PCBP2: variants seen among roughly 807,000 people sequenced by gnomAD.
The protein encoded by PCBP2 is poly(rC)-binding protein 2.
A neutral mutation model predicts 50.1 loss-of-function variants in PCBP2; 4 were observed. The observed-to-expected ratio is 0.08, with a 90% CI of 0.04 to 0.18. The LOEUF (loss-of-function observed/expected upper bound fraction) is 0.18, where lower values mean the gene tolerates loss of function less well. Ranked by LOEUF, PCBP2 falls within the 10% of genes least tolerant of loss-of-function variation. The pLI, the probability that PCBP2 is intolerant of heterozygous loss-of-function variation, is 1.00. For synonymous variants in PCBP2, 179 were observed against 168.0 expected, an observed-to-expected ratio of 1.07 and a Z score of -0.51; for missense variants, 161 against 474.3, an observed-to-expected ratio of 0.34 and a Z score of 6.14.
chr12:53,477,674 A>AAAC, intron 14 of PCBP2, among the ~76,000 whole-genome samples: 1 of 135,224 alleles, frequency 7.4e-6, no homozygotes, highest in Non-Finnish European at 1.5e-5. Context: ...TCAAAAAAAA[A>AAAC]AAAAAAAAAA....
chr12:53,469,526 G>C (rs1240782266), intron 13 of PCBP2, among the ~76,000 whole-genome samples: 1 of 151,812 alleles, frequency 6.6e-6, no homozygotes, highest in East Asian at 2.0e-4. Flanking sequence ...TTCGAGACCA[G>C]CCTGACTACC....
At chr12:53,466,143 G>A (rs886132197) in intron 10 of PCBP2, among the ~76,000 whole-genome samples, 170 bp downstream of exon 10, 2 of 152,202 alleles carry the variant, frequency 1.3e-5, no homozygotes, top group Non-Finnish European at 2.9e-5. Flanking sequence ...TCAGGGTAAT[G>A]CCTTGTTTGC....
At chr12:53,456,809 C>T (rs906369312) in intron 5 of PCBP2, among the ~76,000 whole-genome samples, 1 of 152,088 alleles carries the variant, frequency 6.6e-6, no homozygotes, top group Non-Finnish European at 1.5e-5. Flanking sequence ...TGTATTCAGT[C>T]CCTCCCTCTC....
chr12:53,454,778 A>G lies in PCBP2; in HGVS notation c.-23A>G, dbSNP rs985328712. 2 of 1,611,048 alleles carry G rather than the reference A, an allele frequency of 1.2e-6. No homozygotes were observed. The highest frequency in any genetic ancestry group is 1.7e-6 in the Non-Finnish European group (2 of 1,177,226). ...CCAAAGACTTGACCACTCAAAGTCCAGCTCCCCAGAACACTGCTCGACATG... is the reference window on the plus strand; with the variant it reads ...CCAAAGACTTGACCACTCAAAGTCCGGCTCCCCAGAACACTGCTCGACATG... On this transcript the variant is annotated 5_prime_UTR_variant, in exon 2 of 15. Coordinates refer to ENST00000546463, the MANE Select transcript of PCBP2 (RefSeq NM_031989.5).
chr12:53,472,482 A>G (rs1355918574), intron 14 of PCBP2, among the ~76,000 whole-genome samples: 11 of 152,184 alleles, frequency 7.2e-5, no homozygotes, highest in Non-Finnish European at 1.5e-4. Context: ...TTCACAGTCA[A>G]ATGGGATCCT....
chr12:53,467,727 CT>C, intron 11 of PCBP2, 77 bp from the exon 12 acceptor site: 1 of 1,143,664 alleles, frequency 8.7e-7, no homozygotes, highest in Non-Finnish European at 1.3e-6. Flanking sequence ...GTTTTTGGGG[CT>C]TTTCTGTATA....
chr12:53,457,058 T>C (rs1195726535), intron 5 of PCBP2, among the ~76,000 whole-genome samples: 2 of 152,174 alleles, frequency 1.3e-5, no homozygotes, highest in Non-Finnish European at 2.9e-5. Context: ...TATTTAACTT[T>C]TTTTTTTCTT....
chr12:53,473,344 A>G (rs1316960754), intron 14 of PCBP2, among the ~76,000 whole-genome samples: 1 of 152,182 alleles, frequency 6.6e-6, no homozygotes, highest in East Asian at 1.9e-4. Flanking sequence ...CGGCCTCCCA[A>G]AGTGCTGGGA....
intron 9 of PCBP2, 60 bp from the exon 10 acceptor site, chr12:53,465,872 C>T (rs1941783745): frequency 1.5e-6 from 2 of 1,356,784 alleles, no homozygotes; most frequent in Non-Finnish European, 2.1e-6. Flanking sequence ...GTCTTTTTCC[C>T]CCCACTGGGT....
chr12:53,468,869 A>C (rs1216010155), intron 13 of PCBP2, 37 bp downstream of exon 13: 1 of 1,476,682 alleles, frequency 6.8e-7, no homozygotes. Context: ...GAAAATAAGA[A>C]AATAGACTGT....
At chr12:53,468,433 A>G (rs1941969693) in intron 12 of PCBP2, 1 of 303,234 alleles carries the variant, frequency 3.3e-6, no homozygotes, top group Non-Finnish European at 6.2e-6. Context: ...TTGGAACACA[A>G]CAGGAAAGGG....
chr12:53,477,827 A>AG (rs1171588971), intron 14 of PCBP2, among the ~76,000 whole-genome samples: 1 of 152,156 alleles, frequency 6.6e-6, no homozygotes, highest in African/African-American at 2.4e-5. Context: ...TTGTTGTGGA[A>AG]GGGATACAGA....
chr12:53,467,140 C>T (rs1029672785), intron 10 of PCBP2, 81 bp from the exon 11 acceptor site: 10 of 1,045,326 alleles, frequency 9.6e-6, no homozygotes, highest in South Asian at 8.4e-5. Flanking sequence ...GGAATCAGGA[C>T]CTGCATTTTC....
chr12:53,459,184 C>T (rs541143158), intron 5 of PCBP2, 88 bp from the exon 6 acceptor site: 4 of 1,188,552 alleles, frequency 3.4e-6, no homozygotes, highest in East Asian at 5.1e-5. Flanking sequence ...CTAATAAGAT[C>T]ACTTACCCTA....
intron 14 of PCBP2, among the ~76,000 whole-genome samples, chr12:53,473,483 C>T (rs954343836): frequency 3.9e-5 from 6 of 152,192 alleles, no homozygotes; most frequent in South Asian, 2.1e-4. Context: ...TTTGTTCTTT[C>T]GATAGGCTTG....
intron 5 of PCBP2, among the ~76,000 whole-genome samples, chr12:53,456,419 C>G (rs1056160712): frequency 6.6e-6 from 1 of 151,688 alleles, no homozygotes; most frequent in South Asian, 2.1e-4. Flanking sequence ...GATCACACCA[C>G]TGCACTCCAG....
At chr12:53,467,717 G>A (rs769096854) in intron 11 of PCBP2, 88 bp from the exon 12 acceptor site, 118 of 1,051,304 alleles carry the variant, frequency 1.1e-4, no homozygotes, top group Middle Eastern at 2.6e-4. Context: ...ATTTTGTTTC[G>A]TTTTTGGGGC....
intron 6 of PCBP2, 85 bp from the exon 7 acceptor site, chr12:53,460,930 G>C: frequency 6.9e-7 from 1 of 1,458,236 alleles, no homozygotes; most frequent in Non-Finnish European, 9.5e-7. Context: ...ATCTACTAGA[G>C]TTTTAGGCTC....
Position 53,479,612 on chromosome 12 carries a change from C to T in PCBP2, c.*170C>T. On this transcript the variant is annotated 3_prime_UTR_variant, in exon 15 of 15. Transcript: ENST00000546463. ...TTTTTTAATTAAAGCGTTTTAATTC[C>T]TTTCTCTGTTCAGCTGTTGATGCTG... 1 of 427,376 alleles carries T rather than the reference C, an allele frequency of 2.3e-6. No homozygotes were observed. Among genetic ancestry groups the T allele is most frequent in the Admixed American group, 3.3e-5 (1 of 29,910 alleles). 26.5% of individuals were successfully genotyped at this position (427,376 alleles called of 1,614,324 possible).
Sources: gnomAD v4.1 joint callset for allele counts (sites outside exome capture counted in the v4.1 genomes callset) on GRCh38, gnomAD v4.1.1 for gene constraint, MANE v1.5 for transcripts, NCBI Gene and HGNC (gene_info 2026-07-23, HGNC 2026-07-21) for gene names.